Variants in GYPB observed in about 807,000 individuals in gnomAD.
The protein encoded by GYPB is glycophorin B (MNS blood group).
In GYPB, 13 loss-of-function variants were observed where a neutral mutation model predicts 15.3. The ratio of observed to expected loss-of-function variants is 0.85; its 90% CI spans 0.55 to 1.35. GYPB has a LOEUF of 1.35. Ranked by LOEUF, GYPB falls within the 40% of genes most tolerant of loss-of-function variation. The probability of loss-of-function intolerance (pLI) is 0.00; values close to 1 mark genes in which losing one functional copy is unlikely to be tolerated. For missense variants in GYPB, 131 were observed against 108.3 expected, an observed-to-expected ratio of 1.21 and a Z score of -0.93; for synonymous variants, 38 against 36.9, an observed-to-expected ratio of 1.03 and a Z score of -0.11.
At chr4:144,003,305 A>C (rs1274532145) in intron 1 of GYPB, among the ~76,000 whole-genome samples, 2 of 150,684 alleles carry the variant, frequency 1.3e-5, no homozygotes, top group African/African-American at 5.0e-5. Flanking sequence ...AGGGGAAAAA[A>C]AACATGCGGG....
In GYPB at chr4:143,998,461, C is replaced by T. The variant is rs561456870; in HGVS notation, c.176-827G>A. Among the ~76,000 whole-genome samples the T allele has an allele frequency of 1.1e-3, 163 of 149,356 alleles. 4 individuals are homozygous for T. The highest frequency in any genetic ancestry group is 3.7e-3 in the African/African-American group (146 of 39,992). On this transcript the variant is annotated intron_variant, in intron 3 of 4. Coordinates refer to ENST00000502664, the MANE Select transcript of GYPB (RefSeq NM_002100.6). ...ATTTCCTCTTGCTGGTGTTGCCCAG[C>T]CTTCTTGACCACTTAGCTTGAATGT...
chr4:144,016,140 GAAAAAAAAAAAAAAAAAA>G (rs10594193), intron 1 of GYPB, among the ~76,000 whole-genome samples: 2 of 38,846 alleles, frequency 5.1e-5, no homozygotes, highest in African/African-American at 2.1e-4. Context: ...TTGGATCCCT[GAAAAAAAAAAAAAAAAAA>G]AAAAAAAAAA....
At chr4:143,997,999 T>C (rs551140429) in intron 3 of GYPB, among the ~76,000 whole-genome samples, 1 of 151,482 alleles carries the variant, frequency 6.6e-6, no homozygotes, top group Admixed American at 6.5e-5. Flanking sequence ...AGTTTGGAAG[T>C]TATGAGAGAA....
At chr4:143,995,307 TAGC>T, downstream of GYPB, among the ~76,000 whole-genome samples, 1 of 151,510 alleles carries the variant, frequency 6.6e-6, no homozygotes, top group South Asian at 2.1e-4. Flanking sequence ...ATGTTGAACA[TAGC>T]AGATTTGTGA....
At chr4:144,011,437 G>T (rs538604432) in intron 1 of GYPB, among the ~76,000 whole-genome samples, 2 of 151,036 alleles carry the variant, frequency 1.3e-5, no homozygotes, top group African/African-American at 4.9e-5. Context: ...TTAATCTTAG[G>T]CAAAGTAGAA....
Position 144,011,198 on chromosome 4 carries a change from G to A in GYPB, c.37+8053C>T, listed in dbSNP as rs993794546. ...AGTTGGAGACCAGCCTGGGCAACACGGTGAAACCCCGTGTCTACTGAAATA... is the reference window on the plus strand; with the variant it reads ...AGTTGGAGACCAGCCTGGGCAACACAGTGAAACCCCGTGTCTACTGAAATA... On this transcript the variant is annotated intron_variant, in intron 1 of 4. Transcript: ENST00000502664. Among the ~76,000 whole-genome samples, 5 of 151,118 alleles carry A rather than the reference G, an allele frequency of 3.3e-5. 1 individual carries two copies. Among genetic ancestry groups the A allele is most frequent in the African/African-American group, 4.9e-5 (2 of 40,504 alleles).
chr4:144,007,563 A>G (rs1223919420), intron 1 of GYPB, among the ~76,000 whole-genome samples: 2 of 151,530 alleles, frequency 1.3e-5, no homozygotes, highest in African/African-American at 2.4e-5. Context: ...GCAGAGGTGG[A>G]GAAAAAAATC....
At position 144,019,171 on chromosome 4, in the gene GYPB, A is replaced by G. The variant is rs1728656667; in HGVS notation, c.37+80T>C. 4 of 1,604,664 alleles carry G rather than the reference A, an allele frequency of 2.5e-6. No individual in the cohort carries two copies. The East Asian group carries it at 9.0e-5, about 36-fold the overall frequency. On this transcript the variant is annotated intron_variant, in intron 1 of 4. Transcript: ENST00000502664. ...CATTTATTGATTTAAATAAGATAGAACTGAAATAGGGTAGTTCATATTTTA... is the reference window on the plus strand; with the variant it reads ...CATTTATTGATTTAAATAAGATAGAGCTGAAATAGGGTAGTTCATATTTTA...
chr4:143,997,652 A>T lies in GYPB; in HGVS notation c.176-18T>A. 7.9e-7 allele frequency: 1 copy of T among 1,264,968 alleles called. No homozygotes were observed. Among genetic ancestry groups the T allele is most frequent in the Non-Finnish European group, 1.2e-6 (1 of 864,312 alleles). The allele number at this position is 1,264,968 out of a possible 1,614,324, so 78.4% of individuals were successfully genotyped here. A position where few individuals can be genotyped will look rare whatever the true frequency, so the allele number is the denominator to read the frequency against. On this transcript the variant is annotated intron_variant, in intron 3 of 4. Coordinates refer to ENST00000502664, the MANE Select transcript of GYPB (RefSeq NM_002100.6). ...TACAGGAGCTAAAGAGAGCAGCAAA[A>T]TTATGAAAGTCTGAAATAAATGACC...
At chr4:144,006,059 G>T (rs1411133828) in intron 1 of GYPB, among the ~76,000 whole-genome samples, 37 of 151,618 alleles carry the variant, frequency 2.4e-4, no homozygotes, top group Non-Finnish European at 3.7e-4. Context: ...GGTATGTTTT[G>T]TCATATTAGT....
At chr4:144,014,809 T>C (rs1728406292) in intron 1 of GYPB, among the ~76,000 whole-genome samples, 1 of 151,594 alleles carries the variant, frequency 6.6e-6, no homozygotes, top group South Asian at 2.1e-4. Flanking sequence ...ATTTTAAAAA[T>C]TAAGTGTATG....
Position 144,001,184 on chromosome 4 carries a change from C to T in GYPB, c.136+1G>A, listed in dbSNP as rs767685787. On this transcript the variant is annotated splice_donor_variant, in intron 2 of 4. Transcript: ENST00000502664. LOFTEE classifies it high-confidence loss of function. ...ATTTAAAAATAAAAATGAAAACAAACCATTTGTCTGTGATGAGATGTAACT... is the reference window on the plus strand; with the variant it reads ...ATTTAAAAATAAAAATGAAAACAAATCATTTGTCTGTGATGAGATGTAACT... 1 of 1,612,812 alleles carries T rather than the reference C, an allele frequency of 6.2e-7. No individual in the cohort carries two copies. The highest frequency in any genetic ancestry group is 8.5e-7 in the Non-Finnish European group (1 of 1,179,804).
At chr4:144,016,290 A>G (rs1456565620) in intron 1 of GYPB, among the ~76,000 whole-genome samples, 2 of 150,768 alleles carry the variant, frequency 1.3e-5, no homozygotes, top group Non-Finnish European at 2.9e-5. Flanking sequence ...GTGTCTAACC[A>G]GATGAAAACA....
chr4:144,005,105 G>T (rs1220984034), intron 1 of GYPB, among the ~76,000 whole-genome samples: 1 of 151,952 alleles, frequency 6.6e-6, no homozygotes, highest in Non-Finnish European at 1.5e-5. Context: ...TTAAAGGTCA[G>T]TTTAAGTATT....
chr4:144,008,250 T>C lies in GYPB; in HGVS notation c.38-6967A>G, dbSNP rs555001627. The C allele has an allele frequency of 2.3e-4, 93 of 395,850 alleles. 7 individuals are homozygous for C. The highest frequency in any genetic ancestry group is 1.8e-3 in the African/African-American group (86 of 47,484). 24.5% of individuals were successfully genotyped at this position (395,850 alleles called of 1,614,324 possible). A position where few individuals can be genotyped will look rare whatever the true frequency, so the allele number is the denominator to read the frequency against. On this transcript the variant is annotated intron_variant, in intron 1 of 4. Transcript: ENST00000502664. The stretch of plus-strand genomic sequence containing the variant: ...CTGCCAAGGTCTACTGTGATCTATG[T>C]AGCAGAAAGAGAATGAGGGAATCAA...
At chr4:143,996,755 G>A (rs1727332458) in intron 4 of GYPB, among the ~76,000 whole-genome samples, 1 of 143,798 alleles carries the variant, frequency 7.0e-6, no homozygotes, top group Non-Finnish European at 1.5e-5. Context: ...CTGGGTGACA[G>A]AGGGAAACTC....
At position 144,004,110 on chromosome 4, in the gene GYPB, C is replaced by G. The variant is rs561714391; in HGVS notation, c.38-2827G>C. On this transcript the variant is annotated intron_variant, in intron 1 of 4. Transcript: ENST00000502664. ...CAAATTGATTTGAGACTGAAAGTTG[C>G]CACTTATGTTCTTAGAAATACTTGC... 5.5e-4 allele frequency among the ~76,000 whole-genome samples: 83 copies of G among 151,824 alleles called. 9 individuals carry two copies. The highest frequency in any genetic ancestry group is 1.9e-3 in the African/African-American group (79 of 41,066).
At chr4:144,010,933 A>G (rs1323841760) in intron 1 of GYPB, among the ~76,000 whole-genome samples, 3 of 151,574 alleles carry the variant, frequency 2.0e-5, no homozygotes, top group African/African-American at 7.3e-5. Flanking sequence ...AATAAAACAT[A>G]GTATATATAT....
At chr4:144,012,003 A>G (rs1187596265) in intron 1 of GYPB, among the ~76,000 whole-genome samples, 207 of 148,376 alleles carry the variant, frequency 1.4e-3, no homozygotes, top group African/African-American at 2.7e-3. Flanking sequence ...TAAAAATATA[A>G]TGATGACTGG....
Sources: gnomAD v4.1 joint callset for allele counts (sites outside exome capture counted in the v4.1 genomes callset) on GRCh38, gnomAD v4.1.1 for gene constraint, MANE v1.5 for transcripts, NCBI Gene and HGNC (gene_info 2026-07-23, HGNC 2026-07-21) for gene names.